ABCD3: variants seen among roughly 807,000 people sequenced by gnomAD.
ABCD3 encodes the protein ATP binding cassette subfamily D member 3, also known as ATP-binding cassette sub-family D member 3.
A neutral mutation model predicts 105.5 loss-of-function variants in ABCD3; 41 were observed. The observed-to-expected ratio is 0.39, with a 90% CI of 0.30 to 0.50. The LOEUF is 0.50. ABCD3 is among the 20% of genes least tolerant of loss of function. The pLI, the probability that ABCD3 is intolerant of heterozygous loss-of-function variation, is 0.84. For synonymous variants in ABCD3, 258 were observed against 269.0 expected, an observed-to-expected ratio of 0.96 and a Z score of 0.40; for missense variants, 622 against 806.3, an observed-to-expected ratio of 0.77 and a Z score of 2.77.
At chr1:94,441,896 G>A (rs1660146404) in intron 1 of ABCD3, among the ~76,000 whole-genome samples, 1 of 152,134 alleles carries the variant, frequency 6.6e-6, no homozygotes, top group Admixed American at 6.5e-5. Flanking sequence ...GTTGAACAAG[G>A]TAAGAGGATA....
intron 2 of ABCD3, among the ~76,000 whole-genome samples, chr1:94,461,441 A>G (rs1264057179): frequency 2.7e-5 from 4 of 148,970 alleles, no homozygotes; most frequent in African/African-American, 9.7e-5. Context: ...ATTCCCATGC[A>G]TATTTTTGTA....
chr1:94,424,634 C>G (rs936822354), intron 1 of ABCD3, among the ~76,000 whole-genome samples: 1 of 152,092 alleles, frequency 6.6e-6, no homozygotes, highest in Non-Finnish European at 1.5e-5. Context: ...CCAGGCTGGT[C>G]TCGAACTCCT....
At chr1:94,429,174 G>C (rs1245894849) in intron 1 of ABCD3, among the ~76,000 whole-genome samples, 1 of 152,168 alleles carries the variant, frequency 6.6e-6, no homozygotes, top group Non-Finnish European at 1.5e-5. Flanking sequence ...TGAGAGAGGT[G>C]ATTAGGGTGT....
chr1:94,423,552 G>A (rs879835233), intron 1 of ABCD3, among the ~76,000 whole-genome samples: 4 of 152,162 alleles, frequency 2.6e-5, no homozygotes, highest in Admixed American at 1.3e-4. Flanking sequence ...TCTCTTTGGC[G>A]TCTGCCTTGA....
intron 1 of ABCD3, among the ~76,000 whole-genome samples, chr1:94,435,938 G>A (rs1162569335): frequency 2.0e-5 from 3 of 152,174 alleles, no homozygotes; most frequent in African/African-American, 7.2e-5. Flanking sequence ...GGACCAATGG[G>A]AGCCTCTTTA....
At chr1:94,417,696 C>A (rs1049316179), upstream of ABCD3, among the ~76,000 whole-genome samples, 2 of 152,218 alleles carry the variant, frequency 1.3e-5, no homozygotes, top group Non-Finnish European at 2.9e-5. Flanking sequence ...ACACTGAAAT[C>A]GAAATTTCTC....
intron 5 of ABCD3, among the ~76,000 whole-genome samples, chr1:94,474,667 A>G (rs761461560): frequency 7.2e-5 from 11 of 152,280 alleles, no homozygotes; most frequent in African/African-American, 1.2e-4. Context: ...AAATGTTAGT[A>G]AAGATGGCTC....
rs1659110161 is a variant in ABCD3 at position 94,418,445 on chromosome 1, G to GCT, written c.-34_-33insCT. On this transcript the variant is annotated 5_prime_UTR_variant, in exon 1 of 23. Coordinates refer to ENST00000370214, the MANE Select transcript of ABCD3 (RefSeq NM_002858.4). ...TAGCCGCCGCCGCCGCCGCCGCCGC[G>GCT]TCCCCTCGCCGGCTCGCTGGTACCG... 2 of 1,528,242 alleles carry GCT rather than the reference G, an allele frequency of 1.3e-6. No individual in the cohort carries two copies. Among genetic ancestry groups the GCT allele is most frequent in the African/African-American group, 2.8e-5 (2 of 71,586 alleles). The allele number at this position is 1,528,242 out of a possible 1,614,324, so 94.7% of individuals were successfully genotyped here.
rs2101055350 is a variant in ABCD3, at chr1:94,506,560, A to C, written c.1763A>C (p.Lys588Thr). The change falls in exon 21 of 23, where the codon AAA becomes ACA. Residue 588 changes from lysine to threonine, a missense_variant. Around this residue, in one of 4 missense-constraint regions of ABCD3, gnomAD observed 285 missense variants for 352.5 expected, o/e 0.81. Transcript: ENST00000370214. ...RMAMARLFYH[K>T]PQFAILDECT... ...CAGATGGCAAGATTATTTTATCATAAACCCCAGTTTGCCATTTTGGATGAA... is the reference window on the plus strand; with the variant it reads ...CAGATGGCAAGATTATTTTATCATACACCCCAGTTTGCCATTTTGGATGAA... 6.2e-7 allele frequency: 1 copy of C among 1,612,942 alleles called. No homozygotes were observed. Among genetic ancestry groups the C allele is most frequent in the East Asian group, 2.2e-5 (1 of 44,800 alleles).
chr1:94,387,283 C>A, the ABCD3 span, among the ~76,000 whole-genome samples: 2 of 152,264 alleles, frequency 1.3e-5, no homozygotes, highest in South Asian at 4.1e-4. Context: ...ATAGTCCATA[C>A]CATCATTATT....
intron 4 of ABCD3, among the ~76,000 whole-genome samples, chr1:94,469,581 G>A (rs1648342469): frequency 6.8e-6 from 1 of 148,086 alleles, no homozygotes; most frequent in African/African-American, 2.5e-5. Flanking sequence ...TTGTAATATG[G>A]TCAGACACCA....
chr1:94,435,253 T>C (rs1338246857), intron 1 of ABCD3, among the ~76,000 whole-genome samples: 2 of 152,138 alleles, frequency 1.3e-5, no homozygotes, highest in Non-Finnish European at 2.9e-5. Context: ...TCAGGAGATA[T>C]ATAAAGCCAG....
chr1:94,401,217 G>C, the ABCD3 span, among the ~76,000 whole-genome samples: 1 of 152,222 alleles, frequency 6.6e-6, no homozygotes, highest in African/African-American at 2.4e-5. Context: ...TATTGCTTGA[G>C]TAAAATGAAT....
chr1:94,437,955 A>G (rs960605023), intron 1 of ABCD3, among the ~76,000 whole-genome samples: 1 of 152,152 alleles, frequency 6.6e-6, no homozygotes, highest in African/African-American at 2.4e-5. Context: ...TAGAAGTGGA[A>G]TCTGAAGATA....
intron 1 of ABCD3, 152 bp from the exon 2 acceptor site, chr1:94,458,455 G>A (rs1418342209): frequency 1.4e-5 from 10 of 697,130 alleles, no homozygotes; most frequent in South Asian, 3.5e-5. Flanking sequence ...GAGTCAGGTG[G>A]ACTATTATTA....
intron 20 of ABCD3, among the ~76,000 whole-genome samples, chr1:94,502,791 C>T (rs902785708): frequency 2.1e-4 from 32 of 152,100 alleles, no homozygotes; most frequent in Admixed American, 1.7e-3. Flanking sequence ...TGAGCCGCCG[C>T]GCCCCATTTT....
chr1:94,453,637 G>C (rs1647382043), intron 1 of ABCD3, among the ~76,000 whole-genome samples: 1 of 151,710 alleles, frequency 6.6e-6, no homozygotes. Flanking sequence ...TATTTTTCTA[G>C]AAAATTAACC....
chr1:94,488,483 G>A (rs1649375398), intron 13 of ABCD3, among the ~76,000 whole-genome samples: 1 of 151,958 alleles, frequency 6.6e-6, no homozygotes, highest in Non-Finnish European at 1.5e-5. Context: ...TCTTTAGACA[G>A]TAGAATGAAA....
intron 20 of ABCD3, among the ~76,000 whole-genome samples, chr1:94,502,348 G>A (rs918281009): frequency 1.3e-5 from 2 of 152,150 alleles, no homozygotes; most frequent in Non-Finnish European, 2.9e-5. Context: ...ACTTTTCAAA[G>A]AAAGATAGGC....
Sources: allele counts gnomAD v4.1 joint callset (sites outside exome capture counted in the v4.1 genomes callset), GRCh38; gene constraint gnomAD v4.1.1; regional missense constraint gnomAD v4.1.1; transcripts MANE v1.5; gene names NCBI Gene and HGNC (gene_info 2026-07-23, HGNC 2026-07-21).